Variants in DYM observed in about 807,000 individuals in gnomAD.
DYM encodes dyggve-Melchior-Clausen syndrome protein.
In DYM, 78 loss-of-function variants were observed where a neutral mutation model predicts 93.1. That is an observed-to-expected ratio of 0.84 (90% CI 0.70 to 1.01). The LOEUF (loss-of-function observed/expected upper bound fraction) is 1.01, where lower values mean the gene tolerates loss of function less well. DYM is among the 50% of genes least tolerant of loss of function. DYM has a pLI of 0.00. For missense variants in DYM, 789 were observed against 845.0 expected, an observed-to-expected ratio of 0.93 and a Z score of 0.82; for synonymous variants, 321 against 319.7, an observed-to-expected ratio of 1.00 and a Z score of -0.04.
At chr18:49,316,584 A>T (rs1475497789) in intron 8 of DYM, among the ~76,000 whole-genome samples, 2 of 152,184 alleles carry the variant, frequency 1.3e-5, no homozygotes, top group Non-Finnish European at 2.9e-5. Context: ...AATAAAAACA[A>T]CGTTTACTGA....
intron 14 of DYM, among the ~76,000 whole-genome samples, chr18:49,203,871 TAAAAAAAAAAAAAAAAA>T (rs71165370): frequency 1.6e-5 from 1 of 63,548 alleles, no homozygotes; most frequent in African/African-American, 5.8e-5. Flanking sequence ...TTTAAAAAAG[TAAAAAAAAAAAAAAAAA>T]AAAAAAAAAA....
chr18:49,072,455 C>A (rs2076968480), intron 17 of DYM, among the ~76,000 whole-genome samples: 1 of 152,234 alleles, frequency 6.6e-6, no homozygotes, highest in African/African-American at 2.4e-5. Flanking sequence ...CACTCCCTGG[C>A]CACCTCCCAC....
chr18:49,436,875 C>A (rs993616671), intron 1 of DYM, among the ~76,000 whole-genome samples: 1 of 152,110 alleles, frequency 6.6e-6, no homozygotes, highest in Non-Finnish European at 1.5e-5. Flanking sequence ...GTTAAATAGA[C>A]CAGTATCTTA....
intron 3 of DYM, among the ~76,000 whole-genome samples, chr18:49,388,527 T>C (rs2068857378): frequency 6.7e-6 from 1 of 150,322 alleles, no homozygotes; most frequent in Non-Finnish European, 1.5e-5. Flanking sequence ...AGAGACAGAA[T>C]AGAACAAAAA....
At chr18:49,242,371 C>T (rs1246120426) in intron 13 of DYM, among the ~76,000 whole-genome samples, 1 of 152,072 alleles carries the variant, frequency 6.6e-6, no homozygotes, top group Non-Finnish European at 1.5e-5. Flanking sequence ...TGGGAAGTGC[C>T]ACTACACTCC....
At chr18:49,443,964 A>G (rs1364597814) in intron 1 of DYM, among the ~76,000 whole-genome samples, 1 of 152,212 alleles carries the variant, frequency 6.6e-6, no homozygotes. Context: ...ACAGCTATGA[A>G]TATTTTCCAA....
intron 8 of DYM, among the ~76,000 whole-genome samples, chr18:49,320,041 C>T (rs2062343208): frequency 1.3e-5 from 2 of 152,228 alleles, no homozygotes; most frequent in East Asian, 1.9e-4. Context: ...ATCATCATTC[C>T]GTTTTTAAAG....
chr18:49,240,359 G>T lies in DYM; in HGVS notation c.1460+16651C>A, dbSNP rs2093981871. Among the ~76,000 whole-genome samples, 5 of 152,086 alleles carry T rather than the reference G, an allele frequency of 3.3e-5. No individual in the cohort carries two copies. In the South Asian group the frequency reaches 1.0e-3, roughly 32 times the overall value. ...AGTTATACTGACAGATATTAAAACT[G>T]AGAAAATATTAAATATTTACTAATT... On this transcript the variant is annotated intron_variant, in intron 13 of 17. Transcript: ENST00000675505.
intron 5 of DYM, among the ~76,000 whole-genome samples, chr18:49,376,404 T>C (rs1242965120): frequency 2.1e-4 from 32 of 152,180 alleles, no homozygotes; most frequent in Admixed American, 2.1e-3. Flanking sequence ...CAAAAATGTT[T>C]CCACATAAAC....
chr18:49,209,520 A>T, intron 14 of DYM, 31 bp downstream of exon 14: 1 of 1,274,084 alleles, frequency 7.8e-7, no homozygotes, highest in Non-Finnish European at 1.0e-6. Context: ...AACATGCAGC[A>T]TGCAGTAAAT....
intron 6 of DYM, among the ~76,000 whole-genome samples, chr18:49,343,930 G>C (rs2064362702): frequency 6.9e-6 from 1 of 144,792 alleles, no homozygotes; most frequent in South Asian, 2.2e-4. Context: ...CAACATACAA[G>C]ACCCCACCTC....
chr18:49,420,170 T>G (rs868113581), intron 2 of DYM, among the ~76,000 whole-genome samples: 3,476 of 146,138 alleles, frequency 0.024, 122 homozygotes, highest in African/African-American at 0.086. Flanking sequence ...AATTCGTTTT[T>G]TTTTTTTTTT....
chr18:49,389,191 T>C (rs2068937998), intron 3 of DYM, among the ~76,000 whole-genome samples: 1 of 152,228 alleles, frequency 6.6e-6, no homozygotes, highest in Admixed American at 6.5e-5. Context: ...ACCATCACAT[T>C]ACTGGAATTT....
At chr18:49,418,318 A>C (rs1568410145) in intron 2 of DYM, among the ~76,000 whole-genome samples, 1 of 152,148 alleles carries the variant, frequency 6.6e-6, no homozygotes, top group Non-Finnish European at 1.5e-5. Flanking sequence ...TAGTTTAGAA[A>C]CATGTATAAA....
chr18:49,168,859 C>T (rs777926195), intron 14 of DYM, among the ~76,000 whole-genome samples: 9 of 152,030 alleles, frequency 5.9e-5, no homozygotes, highest in Admixed American at 1.3e-4. Context: ...GAAAAGCAAA[C>T]GGGGAGGAAG....
chr18:49,361,658 G>A (rs1468261249), intron 6 of DYM, among the ~76,000 whole-genome samples: 1 of 152,122 alleles, frequency 6.6e-6, no homozygotes, highest in Non-Finnish European at 1.5e-5. Context: ...AAGTGGGAGA[G>A]GCAATTATCA....
intron 16 of DYM, among the ~76,000 whole-genome samples, chr18:49,115,075 T>G (rs1053252237): frequency 2.0e-5 from 3 of 152,246 alleles, no homozygotes; most frequent in Non-Finnish European, 4.4e-5. Flanking sequence ...TAATTAATCT[T>G]TCTAACTTGG....
intron 8 of DYM, among the ~76,000 whole-genome samples, chr18:49,324,136 C>G (rs1419673364): frequency 1.0e-4 from 1 of 9,604 alleles, no homozygotes; most frequent in East Asian, 1.4e-3. Context: ...TAGGCTCTGT[C>G]TCAAAAAAAA....
chr18:49,072,027 A>G (rs2076932858), intron 17 of DYM, among the ~76,000 whole-genome samples: 1 of 152,242 alleles, frequency 6.6e-6, no homozygotes. Flanking sequence ...ACTGGCCTAC[A>G]ACAGAATGCC....
Sources: gnomAD v4.1 joint callset for allele counts (sites outside exome capture counted in the v4.1 genomes callset) on GRCh38, gnomAD v4.1.1 for gene constraint, MANE v1.5 for transcripts, NCBI Gene and HGNC (gene_info 2026-07-23, HGNC 2026-07-21) for gene names.